BTBD8: variants seen among roughly 807,000 people sequenced by gnomAD.
BTBD8 encodes the protein BTB domain containing 8, also known as BTB/POZ domain-containing protein 8.
In BTBD8, 110 loss-of-function variants were observed where a neutral mutation model predicts 162.9. The observed-to-expected ratio is 0.68, with a 90% confidence interval of 0.58 to 0.79. BTBD8 has a LOEUF of 0.79. Ranked by LOEUF, BTBD8 falls within the 30% of genes least tolerant of loss-of-function variation. The pLI, the probability that BTBD8 is intolerant of heterozygous loss-of-function variation, is 0.00. For synonymous variants in BTBD8, 667 were observed against 716.1 expected, an observed-to-expected ratio of 0.93 and a Z score of 1.10; for missense variants, 1,905 against 2,085.4, an observed-to-expected ratio of 0.91 and a Z score of 1.68.
chr1:92,141,711 GA>G (rs1226276983), intron 7 of BTBD8, among the ~76,000 whole-genome samples: 1 of 152,110 alleles, frequency 6.6e-6, no homozygotes, highest in Non-Finnish European at 1.5e-5. Flanking sequence ...AACATCTAAA[GA>G]AAGATCTCAT....
At chr1:92,152,961 T>C (rs1437698329) in intron 9 of BTBD8, among the ~76,000 whole-genome samples, 2 of 152,208 alleles carry the variant, frequency 1.3e-5, no homozygotes, top group Admixed American at 1.3e-4. Flanking sequence ...TCATATTTTA[T>C]TGTATAAGTA....
At chr1:92,134,064 G>A (rs1649573508) in intron 5 of BTBD8, among the ~76,000 whole-genome samples, 1 of 151,996 alleles carries the variant, frequency 6.6e-6, no homozygotes, top group African/African-American at 2.4e-5. Context: ...TCCTGCTCTA[G>A]CAGACAGAAA....
In BTBD8 at chr1:92,180,784, T is replaced by G. The variant is rs764947815; in HGVS notation, c.3101T>G (p.Leu1034Arg). 1 of 1,551,702 alleles carries G rather than the reference T, an allele frequency of 6.4e-7. No individual in the cohort carries two copies. Among genetic ancestry groups the G allele is most frequent in the South Asian group, 1.2e-5 (1 of 84,056 alleles). Reference sequence around the variant, plus strand: ...TTAGAATGCCAAAATATTTCAAAGCTGGATAAATCATTAAAACACGAACTG... The same window carrying G: ...TTAGAATGCCAAAATATTTCAAAGCGGGATAAATCATTAAAACACGAACTG... Reference protein sequence around the residue: ...LALECQNISKLDKSLKHELES... With the variant: ...LALECQNISKRDKSLKHELES... The change falls in exon 17 of 18, where the codon CTG (leucine) becomes CGG (arginine). Residue 1034 changes from leucine (L) to arginine (R), a missense_variant. Physicochemically the swap from Leu to Arg is moderately radical, Grantham distance 102. Transcript: ENST00000636805.
intron 4 of BTBD8, among the ~76,000 whole-genome samples, chr1:92,110,737 G>A (rs1454543017): frequency 1.3e-5 from 2 of 151,988 alleles, no homozygotes; most frequent in Non-Finnish European, 2.9e-5. Context: ...TAGAGACAGG[G>A]TTTCACTGTG....
intron 9 of BTBD8, among the ~76,000 whole-genome samples, chr1:92,150,009 A>C (rs1650009745): frequency 6.6e-6 from 1 of 152,192 alleles, no homozygotes; most frequent in South Asian, 2.1e-4. Flanking sequence ...ATCAGATACA[A>C]AGGCTGTTTA....
chr1:92,101,878 TGTAAAGACGAG>T (rs1648599812), intron 2 of BTBD8, among the ~76,000 whole-genome samples: 1 of 152,046 alleles, frequency 6.6e-6, no homozygotes, highest in Non-Finnish European at 1.5e-5. Context: ...TTAAATTTTT[TGTAAAGACGAG>T]GTCTCACTAT....
At chr1:92,092,571 A>T (rs1648339921) in intron 2 of BTBD8, among the ~76,000 whole-genome samples, 1 of 151,980 alleles carries the variant, frequency 6.6e-6, no homozygotes, top group Non-Finnish European at 1.5e-5. Flanking sequence ...TGAGAAATAC[A>T]TTTCTGTTGT....
Position 92,101,517 on chromosome 1 carries a change from C to A in BTBD8, c.348-956C>A, listed in dbSNP as rs139053592. Among the ~76,000 whole-genome samples, 269 of 152,350 alleles carry A rather than the reference C, an allele frequency of 1.8e-3. 3 individuals carry two copies. The highest frequency in any genetic ancestry group is 5.9e-3 in the African/African-American group (246 of 41,584). Reference sequence around the variant, plus strand: ...TGCCCCACCAGGACCCGGGGAACCTCCACCTGCCACACAGTCCCCCAAGGG... The same window carrying A: ...TGCCCCACCAGGACCCGGGGAACCTACACCTGCCACACAGTCCCCCAAGGG... On this transcript the variant is annotated intron_variant, in intron 2 of 17. Coordinates refer to ENST00000636805, the MANE Select transcript of BTBD8 (RefSeq NM_001376131.1).
chr1:92,154,139 T>C (rs367903918), intron 9 of BTBD8, among the ~76,000 whole-genome samples: 9 of 152,178 alleles, frequency 5.9e-5, no homozygotes, highest in African/African-American at 2.2e-4. Flanking sequence ...CCTTCCACTA[T>C]GATTGTAAGC....
rs71650482 is a variant in BTBD8 at position 92,100,887 on chromosome 1, G to A, written c.348-1586G>A. Among the ~76,000 whole-genome samples the A allele has an allele frequency of 3.9e-3, 595 of 152,274 alleles. 3 individuals are homozygous for A. Among genetic ancestry groups the A allele is most frequent in the South Asian group, 0.015 (70 of 4,808 alleles). On this transcript the variant is annotated intron_variant, in intron 2 of 17. Transcript: ENST00000636805. ...GCCTCCCAAAGTGCTGGGATTATGG[G>A]CGTGAGCCACCGCGCCTGGCTGGCA...
At chr1:92,087,020 T>A (rs540824544) in intron 1 of BTBD8, among the ~76,000 whole-genome samples, 2 of 152,360 alleles carry the variant, frequency 1.3e-5, no homozygotes, top group Non-Finnish European at 2.9e-5. Flanking sequence ...TTCTCCAGTC[T>A]GTCCTTCCTC....
chr1:92,150,565 T>G (rs1650021637), intron 9 of BTBD8: 1 of 152,254 alleles, frequency 6.6e-6, no homozygotes, highest in Non-Finnish European at 1.5e-5. Flanking sequence ...TACAATAATT[T>G]CTGTATTCAT....
intron 2 of BTBD8, among the ~76,000 whole-genome samples, chr1:92,097,639 A>G (rs1367743367): frequency 2.0e-5 from 3 of 152,192 alleles, no homozygotes; most frequent in Admixed American, 1.3e-4. Context: ...CATTCAATAT[A>G]TGGCCTTTTA....
intron 9 of BTBD8, among the ~76,000 whole-genome samples, chr1:92,150,111 T>A (rs1442726086): frequency 1.3e-5 from 2 of 152,218 alleles, no homozygotes; most frequent in African/African-American, 4.8e-5. Context: ...GTCCTTGGAA[T>A]CTTAGAATCT....
chr1:92,166,710 C>A (rs1405032454), intron 9 of BTBD8, among the ~76,000 whole-genome samples: 2 of 152,088 alleles, frequency 1.3e-5, no homozygotes, highest in African/African-American at 4.8e-5. Flanking sequence ...TAGGAATGAG[C>A]CACTGTACCC....
rs369074268 is a variant in BTBD8 at position 92,125,968 on chromosome 1, T to TCAAAG, written c.663-3713_663-3709dup. 316 of 458,436 alleles carry TCAAAG rather than the reference T, an allele frequency of 6.9e-4. 3 individuals carry two copies. The highest frequency in any genetic ancestry group is 5.8e-3 in the African/African-American group (290 of 49,780). 28.4% of individuals were successfully genotyped at this position (458,436 alleles called of 1,614,324 possible). A position where few individuals can be genotyped will look rare whatever the true frequency, so the allele number is the denominator to read the frequency against. On this transcript the variant is annotated intron_variant, in intron 4 of 17. Transcript: ENST00000636805. ...TATGGAACACCTAGAGTAGCCACTG[T>TCAAAG]CAAAGCAAAGGCAAATGTGAAATGG...
At position 92,181,865 on chromosome 1, in the gene BTBD8, C is replaced by A; in HGVS notation, c.4182C>A (p.Asn1394Lys). 1 of 1,550,906 alleles carries A rather than the reference C, an allele frequency of 6.4e-7. No individual in the cohort carries two copies. The highest frequency in any genetic ancestry group is 8.7e-7 in the Non-Finnish European group (1 of 1,146,854). ...ETEDERSEAENVAENFSISNP... is the reference protein window; with the variant it reads ...ETEDERSEAEKVAENFSISNP... ...AAGATGAAAGATCTGAAGCTGAAAA[C>A]GTTGCAGAAAATTTCTCTATATCTA... The change falls in exon 17 of 18, where the codon AAC becomes AAA. Residue 1394 changes from asparagine (N) to lysine (K), a missense_variant. Coordinates refer to ENST00000636805, the MANE Select transcript of BTBD8 (RefSeq NM_001376131.1).
At chr1:92,087,342 G>A (rs958867362) in intron 1 of BTBD8, among the ~76,000 whole-genome samples, 1 of 152,138 alleles carries the variant, frequency 6.6e-6, no homozygotes, top group Non-Finnish European at 1.5e-5. Flanking sequence ...AGAACAAATT[G>A]AGTGTTTGTA....
At chr1:92,099,585 A>G (rs1648535612) in intron 2 of BTBD8, among the ~76,000 whole-genome samples, 2 of 152,204 alleles carry the variant, frequency 1.3e-5, no homozygotes, top group African/African-American at 4.8e-5. Context: ...GTAGCTTTCA[A>G]TGAGTGTCTT....
Sources: allele counts gnomAD v4.1 joint callset (sites outside exome capture counted in the v4.1 genomes callset), GRCh38; gene constraint gnomAD v4.1.1; transcripts MANE v1.5; gene names NCBI Gene and HGNC (gene_info 2026-07-23, HGNC 2026-07-21).